The following DPYD variants were observed in gnomAD, a reference collection of about 807,000 sequenced individuals.
DPYD encodes the protein dihydropyrimidine dehydrogenase.
DPYD carries 109 observed loss-of-function variants against 116.2 expected under a neutral mutation model. The observed-to-expected ratio is 0.94, with a 90% CI of 0.80 to 1.10. The LOEUF is 1.10. Ranked by LOEUF, DPYD falls within the 50% of genes least tolerant of loss-of-function variation. The pLI is 0.00. For synonymous variants in DPYD, 440 were observed against 432.0 expected (o/e 1.02, Z -0.23); for missense variants, 1,302 against 1,254.5 (o/e 1.04, Z -0.57).
intron 8 of DPYD, among the ~76,000 whole-genome samples, chr1:97,660,133 G>A (rs1209421808): frequency 6.6e-6 from 1 of 152,074 alleles, no homozygotes; most frequent in East Asian, 1.9e-4. Flanking sequence ...ATTTACTAAT[G>A]GGGTTATTTA....
intron 3 of DPYD, among the ~76,000 whole-genome samples, chr1:97,751,460 G>GTGTATGTATATATATA (rs763260651): frequency 4.7e-5 from 1 of 21,274 alleles, no homozygotes; most frequent in African/African-American, 1.7e-4. Context: ...GTGTGTGTGT[G>GTGTATGTATATATATA]TATATATATA....
chr1:97,654,459 T>C (rs1162690864), intron 8 of DPYD, among the ~76,000 whole-genome samples: 1 of 152,156 alleles, frequency 6.6e-6, no homozygotes, highest in African/African-American at 2.4e-5. Context: ...AAGATTTCAT[T>C]ATGGGACCCT....
At chr1:97,272,358 G>C (rs138992711) in intron 18 of DPYD, among the ~76,000 whole-genome samples, 1 of 152,132 alleles carries the variant, frequency 6.6e-6, no homozygotes, top group African/African-American at 2.4e-5. Context: ...CTGAGTAAAC[G>C]ATCATCAACC....
intron 20 of DPYD, among the ~76,000 whole-genome samples, chr1:97,188,692 T>C (rs751570586): frequency 2.6e-5 from 4 of 152,198 alleles, no homozygotes; most frequent in African/African-American, 7.2e-5. Flanking sequence ...ACATTTAAGA[T>C]AGATTCTAAA....
At chr1:97,212,520 C>A (rs536495621) in intron 19 of DPYD, among the ~76,000 whole-genome samples, 1 of 152,144 alleles carries the variant, frequency 6.6e-6, no homozygotes, top group African/African-American at 2.4e-5. Flanking sequence ...AACAATGCTG[C>A]TATGACCATC....
At chr1:97,782,255 T>C (rs920775043) in intron 3 of DPYD, among the ~76,000 whole-genome samples, 5 of 152,220 alleles carry the variant, frequency 3.3e-5, no homozygotes, top group African/African-American at 1.2e-4. Flanking sequence ...TCACATTACA[T>C]AAATCACGGC....
At chr1:97,751,460 G>GTATATATA (rs1553233231) in intron 3 of DPYD, among the ~76,000 whole-genome samples, 745 of 21,192 alleles carry the variant, frequency 0.035, 40 homozygotes, top group Non-Finnish European at 0.043. Context: ...GTGTGTGTGT[G>GTATATATA]TATATATATA....
At chr1:97,861,647 C>G (rs896848863) in intron 2 of DPYD, among the ~76,000 whole-genome samples, 4 of 151,784 alleles carry the variant, frequency 2.6e-5, no homozygotes, top group African/African-American at 9.7e-5. Flanking sequence ...ATGCAAAGCC[C>G]TAAGCATAAA....
chr1:97,292,953 A>T (rs968818250), intron 18 of DPYD, among the ~76,000 whole-genome samples: 1 of 152,214 alleles, frequency 6.6e-6, no homozygotes, highest in Non-Finnish European at 1.5e-5. Context: ...TAAACTAAAA[A>T]AAAGACCAAA....
intron 12 of DPYD, among the ~76,000 whole-genome samples, chr1:97,545,030 T>A (rs1349692928): frequency 6.6e-6 from 1 of 151,750 alleles, no homozygotes; most frequent in Admixed American, 6.6e-5. Flanking sequence ...AAATTATAAC[T>A]CCACACAAAA....
chr1:97,607,694 G>A (rs951407712), intron 8 of DPYD, among the ~76,000 whole-genome samples: 3 of 151,770 alleles, frequency 2.0e-5, no homozygotes, highest in African/African-American at 7.3e-5. Context: ...AGGAGGAGGG[G>A]TAGGAAAAAG....
intron 8 of DPYD, among the ~76,000 whole-genome samples, chr1:97,628,551 T>C (rs916231182): frequency 1.3e-5 from 2 of 152,044 alleles, no homozygotes; most frequent in Admixed American, 1.3e-4. Context: ...TTCTATCAAA[T>C]AACAGTTGAT....
At chr1:97,820,715 T>C (rs1312886056) in intron 3 of DPYD, among the ~76,000 whole-genome samples, 1 of 152,216 alleles carries the variant, frequency 6.6e-6, no homozygotes, top group Non-Finnish European at 1.5e-5. Context: ...CATTCTGTAC[T>C]GGTAGTTCAT....
At chr1:97,311,920 A>C (rs1308412459) in intron 16 of DPYD, among the ~76,000 whole-genome samples, 2 of 151,826 alleles carry the variant, frequency 1.3e-5, no homozygotes, top group Non-Finnish European at 2.9e-5. Flanking sequence ...CTACGAAGAA[A>C]AGCAAAGCAA....
intron 14 of DPYD, among the ~76,000 whole-genome samples, chr1:97,384,260 A>C (rs6682655): frequency 0.46 from 68,769 of 150,108 alleles, 16,475 homozygotes; most frequent in East Asian, 0.66. Context: ...AAAAAAAAAA[A>C]AGATATGCTG....
chr1:97,861,931 T>C (rs1285776271), intron 2 of DPYD, among the ~76,000 whole-genome samples: 1 of 151,980 alleles, frequency 6.6e-6, no homozygotes, highest in African/African-American at 2.4e-5. Context: ...TTTCCACATA[T>C]GTACCAGGAG....
intron 3 of DPYD, among the ~76,000 whole-genome samples, chr1:97,809,360 G>C (rs188113918): frequency 6.6e-5 from 10 of 152,244 alleles, no homozygotes; most frequent in Admixed American, 2.0e-4. Flanking sequence ...TAATTGATCT[G>C]AAGTTTGTAT....
chr1:97,779,822 T>C (rs1196477972), intron 3 of DPYD, among the ~76,000 whole-genome samples: 1 of 152,100 alleles, frequency 6.6e-6, no homozygotes, highest in Non-Finnish European at 1.5e-5. Flanking sequence ...TATGGAAAGA[T>C]AAGAATTTAG....
chr1:97,173,258 A>G (rs138068166), intron 20 of DPYD, among the ~76,000 whole-genome samples: 4 of 147,750 alleles, frequency 2.7e-5, no homozygotes, highest in East Asian at 3.9e-4. Context: ...ACATATATGC[A>G]CACATATGTA....
Sources: gnomAD v4.1 joint callset for allele counts (sites outside exome capture counted in the v4.1 genomes callset) on GRCh38, gnomAD v4.1.1 for gene constraint, MANE v1.5 for transcripts, NCBI Gene and HGNC (gene_info 2026-07-23, HGNC 2026-07-21) for gene names.